The following RABGAP1L variants were observed in gnomAD, a reference collection of about 807,000 sequenced individuals.
RABGAP1L encodes the protein RAB GTPase activating protein 1 like, also known as rab GTPase-activating protein 1-like.
A neutral mutation model predicts 137.7 loss-of-function variants in RABGAP1L; 63 were observed. That is an observed-to-expected ratio of 0.46 (90% CI 0.37 to 0.56). The LOEUF is 0.56. Ranked by LOEUF, RABGAP1L falls within the 20% of genes least tolerant of loss-of-function variation. The probability of loss-of-function intolerance (pLI) is 0.00; values close to 1 mark genes in which losing one functional copy is unlikely to be tolerated. For synonymous variants in RABGAP1L, 431 were observed against 433.7 expected (o/e 0.99, Z 0.08); for missense variants, 1,095 against 1,244.0 (o/e 0.88, Z 1.80).
intron 13 of RABGAP1L, among the ~76,000 whole-genome samples, chr1:174,429,353 T>C (rs1652326541): frequency 6.6e-6 from 1 of 152,226 alleles, no homozygotes; most frequent in Non-Finnish European, 1.5e-5. Flanking sequence ...AGGCTTTCCC[T>C]AACCAACAAG....
At chr1:174,220,513 CA>C in intron 2 of RABGAP1L, among the ~76,000 whole-genome samples, 1 of 151,980 alleles carries the variant, frequency 6.6e-6, no homozygotes, top group Non-Finnish European at 1.5e-5. Flanking sequence ...ACAAAAAATA[CA>C]AAAATTAGCT....
intron 1 of RABGAP1L, among the ~76,000 whole-genome samples, chr1:174,162,122 A>G (rs1438836730): frequency 6.6e-6 from 1 of 151,156 alleles, no homozygotes; most frequent in African/African-American, 2.4e-5. Flanking sequence ...TTCTTTGATA[A>G]TTGTTTCATG....
chr1:174,811,947 C>T lies in RABGAP1L; in HGVS notation c.2327C>T (p.Ala776Val). 6.3e-7 allele frequency: 1 copy of T among 1,596,248 alleles called. No homozygotes were observed. The change falls in exon 19 of 26, where the codon GCT (alanine) becomes GTT (valine). Residue 776 changes from alanine to valine, a missense_variant. Physicochemically the swap from Ala to Val is moderately conservative, Grantham distance 64. Around this residue, in one of 4 missense-constraint regions of RABGAP1L, gnomAD observed 312 missense variants for 435.6 expected, o/e 0.72. Transcript: ENST00000681986. ...EENARRLMEQACNIKVPTKKL... is the reference protein window; with the variant it reads ...EENARRLMEQVCNIKVPTKKL... ...AATGCAAGAAGACTGATGGAGCAGG[C>T]TTGCAATATTAAAGTAAGAACATGA...
chr1:174,464,064 T>C (rs1657017709), intron 13 of RABGAP1L, among the ~76,000 whole-genome samples: 1 of 152,194 alleles, frequency 6.6e-6, no homozygotes, highest in Non-Finnish European at 1.5e-5. Context: ...ATGAGAAATG[T>C]TACCATTTGT....
intron 19 of RABGAP1L, among the ~76,000 whole-genome samples, chr1:174,827,804 T>G (rs938371375): frequency 6.8e-6 from 1 of 148,146 alleles, no homozygotes; most frequent in African/African-American, 2.5e-5. Flanking sequence ...TAGTATGGTC[T>G]TGTTGCATTA....
intron 14 of RABGAP1L, among the ~76,000 whole-genome samples, chr1:174,656,110 A>G (rs1395967755): frequency 1.3e-5 from 2 of 150,358 alleles, no homozygotes; most frequent in African/African-American, 2.4e-5. Flanking sequence ...ACATGTATTT[A>G]TGCCCATTTT....
At chr1:174,710,431 G>C (rs1680389918) in intron 17 of RABGAP1L, among the ~76,000 whole-genome samples, 1 of 152,200 alleles carries the variant, frequency 6.6e-6, no homozygotes, top group Admixed American at 6.5e-5. Context: ...CAGAGAGAAA[G>C]GTCGGGTTAC....
At chr1:174,667,749 G>T (rs960924469) in intron 14 of RABGAP1L, among the ~76,000 whole-genome samples, 2 of 152,092 alleles carry the variant, frequency 1.3e-5, no homozygotes, top group Non-Finnish European at 2.9e-5. Context: ...GCTATGACCT[G>T]GTTATTTACT....
intron 13 of RABGAP1L, among the ~76,000 whole-genome samples, chr1:174,632,845 C>T (rs2148320840): frequency 6.7e-6 from 1 of 150,314 alleles, no homozygotes; most frequent in East Asian, 1.9e-4. Flanking sequence ...TGAATGTCCT[C>T]CCGTAGCTCA....
At chr1:174,342,293 T>C (rs1014479140) in intron 11 of RABGAP1L, among the ~76,000 whole-genome samples, 1 of 152,094 alleles carries the variant, frequency 6.6e-6, no homozygotes, top group Non-Finnish European at 1.5e-5. Flanking sequence ...CCAAATGCAA[T>C]AGAAAATCCC....
At chr1:174,459,376 C>T (rs977876643) in intron 13 of RABGAP1L, among the ~76,000 whole-genome samples, 4 of 152,006 alleles carry the variant, frequency 2.6e-5, no homozygotes, top group East Asian at 1.9e-4. Flanking sequence ...ATACAGTTCA[C>T]GGAGTCTGTT....
At chr1:174,583,266 G>A (rs974605144) in intron 13 of RABGAP1L, among the ~76,000 whole-genome samples, 8 of 152,076 alleles carry the variant, frequency 5.3e-5, no homozygotes, top group South Asian at 2.1e-4. Flanking sequence ...ATATGTCAGA[G>A]CCCATCTTTT....
intron 13 of RABGAP1L, among the ~76,000 whole-genome samples, chr1:174,432,328 G>A (rs2149200633): frequency 6.6e-6 from 1 of 152,102 alleles, no homozygotes; most frequent in South Asian, 2.1e-4. Context: ...TGTTGTCTGT[G>A]TACCACATTT....
At chr1:174,644,370 C>T (rs1674781237) in intron 14 of RABGAP1L, among the ~76,000 whole-genome samples, 2 of 151,936 alleles carry the variant, frequency 1.3e-5, no homozygotes, top group South Asian at 2.1e-4. Flanking sequence ...CCATCACACT[C>T]TTACTAGGAT....
chr1:174,671,992 C>T (rs891093913), intron 14 of RABGAP1L, among the ~76,000 whole-genome samples: 4 of 152,028 alleles, frequency 2.6e-5, no homozygotes, highest in Non-Finnish European at 4.4e-5. Context: ...ATTCAGTCGT[C>T]TCCTTACTCA....
intron 13 of RABGAP1L, among the ~76,000 whole-genome samples, chr1:174,556,396 G>A (rs1666886365): frequency 6.6e-6 from 1 of 152,158 alleles, no homozygotes; most frequent in African/African-American, 2.4e-5. Context: ...CAAAATCAAA[G>A]TTTTTAGAAA....
At position 174,850,923 on chromosome 1, in the gene RABGAP1L, G is replaced by A. The variant is rs549444566; in HGVS notation, c.2340+38963G>A. On this transcript the variant is annotated intron_variant, in intron 19 of 25. Coordinates refer to ENST00000681986, the MANE Select transcript of RABGAP1L (RefSeq NM_001366446.1). The stretch of plus-strand genomic sequence containing the variant: ...GGAGACCACTTGAGAAAGAAGGCAA[G>A]TAGTTTTGAGGAGCTGAGGGCAGCT... Among the ~76,000 whole-genome samples, 5 of 152,354 alleles carry A rather than the reference G, an allele frequency of 3.3e-5. No homozygotes were observed. In the East Asian group the frequency reaches 9.6e-4, roughly 29 times the overall value.
intron 13 of RABGAP1L, among the ~76,000 whole-genome samples, chr1:174,519,718 A>G (rs1189538457): frequency 6.6e-6 from 1 of 152,234 alleles, no homozygotes; most frequent in East Asian, 1.9e-4. Flanking sequence ...TACATGGTAC[A>G]TCTATTGAGT....
At chr1:174,434,354 T>C (rs1653017810) in intron 13 of RABGAP1L, among the ~76,000 whole-genome samples, 1 of 152,220 alleles carries the variant, frequency 6.6e-6, no homozygotes, top group Non-Finnish European at 1.5e-5. Context: ...TATCACGGTT[T>C]GTTTATTCAT....
Sources: gnomAD v4.1 joint callset for allele counts (sites outside exome capture counted in the v4.1 genomes callset) on GRCh38, gnomAD v4.1.1 for gene constraint, gnomAD v4.1.1 regional missense constraint, MANE v1.5 for transcripts, NCBI Gene and HGNC (gene_info 2026-07-23, HGNC 2026-07-21) for gene names.